The following ABCC8 variants were observed in gnomAD, a reference collection of about 807,000 sequenced individuals.
ABCC8 encodes ATP binding cassette subfamily C member 8.
ABCC8 carries 137 observed loss-of-function variants against 188.0 expected under a neutral mutation model. The ratio of observed to expected loss-of-function variants is 0.73; its 90% confidence interval spans 0.63 to 0.84. The LOEUF (loss-of-function observed/expected upper bound fraction) is 0.84, where lower values mean the gene tolerates loss of function less well. ABCC8 is among the 40% of genes least tolerant of loss of function. The probability of loss-of-function intolerance (pLI) is 0.00; values close to 1 mark genes in which losing one functional copy is unlikely to be tolerated. For missense variants in ABCC8, 1,750 were observed against 2,072.7 expected (o/e 0.84, Z 3.02); for synonymous variants, 797 against 846.5 (o/e 0.94, Z 1.01).
In ABCC8 at chr11:17,404,794, C is replaced by CAAAA; in HGVS notation, c.3400-126_3400-125insTTTT. The CAAAA allele has an allele frequency of 7.0e-7, 1 of 1,426,996 alleles. No individual in the cohort carries two copies. The highest frequency in any genetic ancestry group is 9.5e-7 in the Non-Finnish European group (1 of 1,050,110). The allele number at this position is 1,426,996 out of a possible 1,614,324, so 88.4% of individuals were successfully genotyped here. On this transcript the variant is annotated intron_variant, in intron 27 of 38. Transcript: ENST00000389817. The surrounding 1 kb of genome is among the most constrained non-coding windows in gnomAD (Gnocchi z 4.7). ...CCTTTATTTTTTTGAGACTGAGTCT[C>CAAAA]ACTGTTGCCCAGACTTGAGTGCAGC...
At chr11:17,452,167 G>A (rs976887129) in intron 7 of ABCC8, among the ~76,000 whole-genome samples, 1 of 152,182 alleles carries the variant, frequency 6.6e-6, no homozygotes, top group Non-Finnish European at 1.5e-5. Flanking sequence ...CTGGGACTTG[G>A]ACAACTCTCA....
At position 17,455,957 on chromosome 11, in the gene ABCC8, A is replaced by G. The variant is rs536579755; in HGVS notation, c.1012-2674T>C. ...CCATCCAAAAAAAAAAAAAAAAAAA[A>G]AAGAAGTGGGTACTAGACTAGCCAA... On this transcript the variant is annotated intron_variant, in intron 6 of 38. Transcript: ENST00000389817. Among the ~76,000 whole-genome samples the G allele has an allele frequency of 2.3e-3, 352 of 151,132 alleles. 2 individuals are homozygous for G. Among genetic ancestry groups the G allele is most frequent in the African/African-American group, 6.4e-3 (264 of 41,082 alleles).
chr11:17,402,740 G>C lies in ABCC8; in HGVS notation c.3571C>G (p.Leu1191Val), dbSNP rs577278420. The C allele has an allele frequency of 1.2e-6, 2 of 1,614,222 alleles. No individual in the cohort carries two copies. The highest frequency in any genetic ancestry group is 1.3e-5 in the African/African-American group (1 of 75,046). Residue 1191 changes from leucine (L) to valine (V), a missense_variant, in exon 29 of 39, where the codon CTG (leucine) becomes GTG (valine). Transcript: ENST00000389817. ...AGTGGAAGCTGGGTGGTGTCATCCA[G>C]CTGCTGCAGGTCCCTGTGGCGGGGA... ...FRVASRDLQQ[L>V]DDTTQLPLLS...
Position 17,410,593 on chromosome 11 carries a change from G to A in ABCC8, c.2617C>T (p.Leu873Phe), listed in dbSNP as rs1954762385. The A allele has an allele frequency of 6.2e-7, 1 of 1,614,194 alleles. No individual in the cohort carries two copies. Among genetic ancestry groups the A allele is most frequent in the Non-Finnish European group, 8.5e-7 (1 of 1,180,024 alleles). The change falls in exon 22 of 39, where the codon CTT (leucine) becomes TTT (phenylalanine). Residue 873 changes from leucine (L) to phenylalanine (F), a missense_variant. Coordinates refer to ENST00000389817, the MANE Select transcript of ABCC8 (RefSeq NM_000352.6). ...LSDHLMQAGILELLRDDKRTV... is the reference protein window; with the variant it reads ...LSDHLMQAGIFELLRDDKRTV... ...CTCTTGTCGTCCCGGAGCAGCTCAA[G>A]GATGCCGGCCTGCATTAAGTGGTCA...
At chr11:17,442,690 C>T (rs976936163) in intron 10 of ABCC8, 30 bp downstream of exon 10, 1 of 1,609,746 alleles carries the variant, frequency 6.2e-7, no homozygotes, top group African/African-American at 1.3e-5. Flanking sequence ...CGCAGCAGCA[C>T]CCAGGGCTGG....
chr11:17,428,356 C>T lies in ABCC8; in HGVS notation c.1973G>A (p.Gly658Asp), dbSNP rs149400972. 1.9e-6 allele frequency: 3 copies of T among 1,614,030 alleles called. No homozygotes were observed. The highest frequency in any genetic ancestry group is 2.5e-6 in the Non-Finnish European group (3 of 1,180,014). The part of the protein sequence containing the change: ...RKRPAREDCR[G>D]LTGPLQSLVP... ...CAGGCTCTGCAGTGGGCCGGTGAGG[C>T]CCCGACAATCCTCCCGGGCTGGACG... The change falls in exon 14 of 39, where the codon GGC becomes GAC. Residue 658 changes from glycine to aspartate, a missense_variant. Coordinates refer to ENST00000389817, the MANE Select transcript of ABCC8 (RefSeq NM_000352.6).
rs1212511153 is a variant in ABCC8, at chr11:17,427,465, G to T, written c.2117-311C>A. On this transcript the variant is annotated intron_variant, in intron 15 of 38. Transcript: ENST00000389817. This position sits in a 1 kb window ranked among gnomAD's most constrained non-coding sequence, Gnocchi z 5.0. ...GTGGTCCCAAGAAACACCATCCTGG[G>T]TCCCACCTCCAACCCACCTCCATAC... 6.6e-6 allele frequency among the ~76,000 whole-genome samples: 1 copy of T among 151,940 alleles called. No individual in the cohort carries two copies. Among genetic ancestry groups the T allele is most frequent in the Admixed American group, 6.6e-5 (1 of 15,250 alleles).
chr11:17,429,849 C>T (rs1257115073), intron 12 of ABCC8: 1 of 152,198 alleles, frequency 6.6e-6, no homozygotes, highest in Non-Finnish European at 1.5e-5. Context: ...TGGTCAGATA[C>T]TCCTTAGAGC....
At chr11:17,406,346 A>G in intron 26 of ABCC8, 1 of 503,452 alleles carries the variant, frequency 2.0e-6, no homozygotes, top group South Asian at 2.5e-5. Context: ...AGGAGAAAAC[A>G]ATCTTTACTT....
At position 17,449,359 on chromosome 11, in the gene ABCC8, C is replaced by T. The variant is rs546839294; in HGVS notation, c.1177-688G>A. Among the ~76,000 whole-genome samples the T allele has an allele frequency of 3.4e-4, 52 of 152,344 alleles. 1 individual carries two copies. In the Middle Eastern group the frequency reaches 0.017, roughly 50 times the overall value. On this transcript the variant is annotated intron_variant, in intron 7 of 38. Coordinates refer to ENST00000389817, the MANE Select transcript of ABCC8 (RefSeq NM_000352.6). The stretch of plus-strand genomic sequence containing the variant: ...CCATCTGTTTTAAAGTGGCCTTCTC[C>T]AGCCTAGGGAGGGGATCTGCTCTGA...
At position 17,408,384 on chromosome 11, in the gene ABCC8, AT is replaced by A; in HGVS notation, c.2820+7del. On this transcript the variant is annotated splice_region_variant and intron_variant, in intron 23 of 38. Coordinates refer to ENST00000389817, the MANE Select transcript of ABCC8 (RefSeq NM_000352.6). ...GGTGGCTGCTTGGCCATCCCTGGAT[AT>A]ACCCACCTTCTCCAGCTCTTGGTCC... The A allele has an allele frequency of 6.2e-7, 1 of 1,612,980 alleles. No individual in the cohort carries two copies. Among genetic ancestry groups the A allele is most frequent in the Non-Finnish European group, 8.5e-7 (1 of 1,179,882 alleles).
chr11:17,404,397 G>T lies in ABCC8; in HGVS notation c.3557+115C>A. On this transcript the variant is annotated intron_variant, in intron 28 of 38. Coordinates refer to ENST00000389817, the MANE Select transcript of ABCC8 (RefSeq NM_000352.6). This position sits in a 1 kb window ranked among gnomAD's most constrained non-coding sequence, Gnocchi z 4.7. ...TCTATTTCCTTCATTTCTGTTTTTT[G>T]TTTTTATTTTTTGGAGGGAACACGA... 14 of 1,117,578 alleles carry T rather than the reference G, an allele frequency of 1.3e-5. No homozygotes were observed. Among genetic ancestry groups the T allele is most frequent in the Admixed American group, 1.2e-4 (7 of 56,884 alleles). The allele number at this position is 1,117,578 out of a possible 1,614,324, so 69.2% of individuals were successfully genotyped here. A position where few individuals can be genotyped will look rare whatever the true frequency, so the allele number is the denominator to read the frequency against.
At chr11:17,399,816 T>C (rs1274819986) in intron 29 of ABCC8, among the ~76,000 whole-genome samples, 1 of 152,234 alleles carries the variant, frequency 6.6e-6, no homozygotes, top group East Asian at 1.9e-4. Context: ...ATGGAATCTC[T>C]CTGCACAGGG....
intron 21 of ABCC8, 98 bp downstream of exon 21, chr11:17,412,568 A>G (rs918698410): frequency 3.4e-6 from 5 of 1,460,076 alleles, no homozygotes; most frequent in Admixed American, 3.9e-5. Flanking sequence ...CTGGAGAGGG[A>G]GATTGTTGGA....
chr11:17,406,803 A>T lies in ABCC8; in HGVS notation c.3163-15T>A. On this transcript the variant is annotated splice_polypyrimidine_tract_variant and intron_variant, in intron 25 of 38. Transcript: ENST00000389817. Reference sequence around the variant, plus strand: ...AGGGTGCACTCCTTCACAGGCAGAGAGTGATTTGGAGTTCCAGGGTGCCCA... The same window carrying T: ...AGGGTGCACTCCTTCACAGGCAGAGTGTGATTTGGAGTTCCAGGGTGCCCA... 1 of 1,614,124 alleles carries T rather than the reference A, an allele frequency of 6.2e-7. No homozygotes were observed. The highest frequency in any genetic ancestry group is 8.5e-7 in the Non-Finnish European group (1 of 1,180,022).
At chr11:17,426,985 C>A in intron 16 of ABCC8, 64 bp downstream of exon 16, 1 of 1,586,248 alleles carries the variant, frequency 6.3e-7, no homozygotes, top group Non-Finnish European at 8.6e-7. Flanking sequence ...TGTGCATCCT[C>A]AACTGAGGAG....
chr11:17,456,375 A>T (rs1956996554), intron 6 of ABCC8, among the ~76,000 whole-genome samples: 1 of 152,190 alleles, frequency 6.6e-6, no homozygotes, highest in South Asian at 2.1e-4. Flanking sequence ...TTAGCTGCAG[A>T]GGTAGGACTA....
intron 24 of ABCC8, 108 bp from the exon 25 acceptor site, chr11:17,407,237 G>A: frequency 1.2e-6 from 2 of 1,609,146 alleles, no homozygotes; most frequent in Non-Finnish European, 1.7e-6. Context: ...GCACACAGAG[G>A]GAAGCCATTT....
Position 17,393,125 on chromosome 11 carries a change from G to A in ABCC8, c.4612C>T (p.Arg1538Ter), listed in dbSNP as rs1411638309. ...TCTGCACTCAGGATGGTGTGCACTC[G>A]ATGCTGGGCAGGGCAGGAGGGGGCG... ...ADRTVVTIAH[R>*]VHTILSADLV... is the part of the protein sequence containing the mutation. Residue 1538 changes from arginine to a stop codon, truncating the protein, a stop_gained, in exon 39 of 39, where the codon CGA becomes TGA. Transcript: ENST00000389817. LOFTEE classifies it high-confidence loss of function. 5.0e-6 allele frequency: 8 copies of A among 1,610,772 alleles called. No individual in the cohort carries two copies. The highest frequency in any genetic ancestry group is 1.3e-5 in the African/African-American group (1 of 74,960).
Sources: gnomAD v4.1 joint callset for allele counts (sites outside exome capture counted in the v4.1 genomes callset) on GRCh38, gnomAD v4.1.1 for gene constraint, Gnocchi (gnomAD v3.1) non-coding constraint, MANE v1.5 for transcripts, NCBI Gene and HGNC (gene_info 2026-07-23, HGNC 2026-07-21) for gene names.